ARHGEF12: variants seen among roughly 807,000 people sequenced by gnomAD.
ARHGEF12 encodes Rho guanine nucleotide exchange factor 12.
Under a neutral mutation model 211.2 loss-of-function variants are expected in ARHGEF12, and 66 were observed. The ratio of observed to expected loss-of-function variants is 0.31; its 90% CI spans 0.26 to 0.38. The LOEUF is 0.38. Ranked by LOEUF, ARHGEF12 falls within the 10% of genes least tolerant of loss-of-function variation. The pLI is 1.00. For missense variants in ARHGEF12, 1,429 were observed against 1,869.5 expected, an observed-to-expected ratio of 0.76 and a Z score of 4.34; for synonymous variants, 592 against 638.4, an observed-to-expected ratio of 0.93 and a Z score of 1.09.
chr11:120,398,169 AACAGATTT>A (rs1591541791), intron 1 of ARHGEF12, among the ~76,000 whole-genome samples: 1 of 152,202 alleles, frequency 6.6e-6, no homozygotes, highest in South Asian at 2.1e-4. Flanking sequence ...AAATATTAGT[AACAGATTT>A]ACTAGTGTCA....
intron 4 of ARHGEF12, among the ~76,000 whole-genome samples, chr11:120,415,625 A>T (rs1945007136): frequency 6.6e-6 from 1 of 152,192 alleles, no homozygotes. Flanking sequence ...CTGAAGAAAA[A>T]GGGAAAACAT....
At chr11:120,425,114 G>A (rs1945300744) in intron 7 of ARHGEF12, among the ~76,000 whole-genome samples, 1 of 152,102 alleles carries the variant, frequency 6.6e-6, no homozygotes, top group Admixed American at 6.5e-5. Context: ...CTGGCAGTGA[G>A]TTATGGGCAA....
At chr11:120,385,933 A>T (rs1275518279) in intron 1 of ARHGEF12, among the ~76,000 whole-genome samples, 4 of 152,114 alleles carry the variant, frequency 2.6e-5, no homozygotes, top group African/African-American at 9.6e-5. Context: ...TACCCAAGAG[A>T]CCATGGATGG....
chr11:120,416,441 G>A (rs1486713693), intron 4 of ARHGEF12, among the ~76,000 whole-genome samples: 1 of 152,160 alleles, frequency 6.6e-6, no homozygotes, highest in Non-Finnish European at 1.5e-5. Context: ...TGCAGTGGGA[G>A]TCTGTAAGAG....
At chr11:120,390,344 T>C (rs1944174827) in intron 1 of ARHGEF12, among the ~76,000 whole-genome samples, 1 of 152,232 alleles carries the variant, frequency 6.6e-6, no homozygotes, top group Admixed American at 6.5e-5. Flanking sequence ...GCTTTTAATA[T>C]TGAGGAATGC....
chr11:120,445,494 ATTACATC>A (rs1946016553), intron 16 of ARHGEF12, 30 bp downstream of exon 16: 1 of 1,606,718 alleles, frequency 6.2e-7, no homozygotes, highest in African/African-American at 1.3e-5. Flanking sequence ...ATCCTGGAGA[ATTACATC>A]TTAATAGATA....
chr11:120,479,093 A>G lies in ARHGEF12; in HGVS notation c.3766+704A>G, dbSNP rs552624861. Among the ~76,000 whole-genome samples, 3 of 152,346 alleles carry G rather than the reference A, an allele frequency of 2.0e-5. No homozygotes were observed. In the South Asian group the frequency reaches 6.2e-4, roughly 32 times the overall value. On this transcript the variant is annotated intron_variant, in intron 37 of 40. Transcript: ENST00000397843. ...TGTCAAGATTAAGATAATGAATGAC[A>G]AAACACTAAAAAGTGAGTAACTAGC...
At chr11:120,406,800 C>T (rs944591941) in intron 2 of ARHGEF12, among the ~76,000 whole-genome samples, 4 of 152,084 alleles carry the variant, frequency 2.6e-5, no homozygotes, top group Non-Finnish European at 4.4e-5. Flanking sequence ...CCTCGTGATT[C>T]GCCCGCCTCA....
At chr11:120,387,905 G>A (rs1000255151) in intron 1 of ARHGEF12, among the ~76,000 whole-genome samples, 9 of 152,036 alleles carry the variant, frequency 5.9e-5, no homozygotes, top group African/African-American at 2.2e-4. Context: ...TTAAACATTA[G>A]GCTTCTTGAG....
chr11:120,388,771 G>A (rs1445298398), intron 1 of ARHGEF12, among the ~76,000 whole-genome samples: 2 of 152,098 alleles, frequency 1.3e-5, no homozygotes, highest in African/African-American at 4.8e-5. Context: ...TTTGTGGATT[G>A]TCTGTTCAAA....
Position 120,458,377 on chromosome 11 carries a change from T to C in ARHGEF12, c.2380+143T>C. 3 of 827,740 alleles carry C rather than the reference T, an allele frequency of 3.6e-6. No homozygotes were observed. The South Asian group carries it at 5.6e-5, about 16-fold the overall frequency. The allele number at this position is 827,740 out of a possible 1,614,324, so 51.3% of individuals were successfully genotyped here. A position where few individuals can be genotyped will look rare whatever the true frequency, so the allele number is the denominator to read the frequency against. ...AGAGGAAATTAAACTGGACAGATAA[T>C]CCTTGAACTCAAGAAAATGCAAATG... On this transcript the variant is annotated intron_variant, in intron 25 of 40. Transcript: ENST00000397843.
At chr11:120,402,515 C>G (rs7948928) in intron 1 of ARHGEF12, among the ~76,000 whole-genome samples, 70,514 of 151,938 alleles carry the variant, frequency 0.46, 17,331 homozygotes, top group African/African-American at 0.63. Context: ...AGGTAACATT[C>G]TTTGACTGCT....
At chr11:120,428,755 G>C (rs1335367453) in intron 8 of ARHGEF12, among the ~76,000 whole-genome samples, 1 of 152,116 alleles carries the variant, frequency 6.6e-6, no homozygotes, top group Non-Finnish European at 1.5e-5. Context: ...CATAGAAGAA[G>C]AACAATAAAT....
At chr11:120,457,029 C>A in intron 22 of ARHGEF12, 89 bp from the exon 23 acceptor site, 1 of 1,265,708 alleles carries the variant, frequency 7.9e-7, no homozygotes, top group Non-Finnish European at 1.1e-6. Flanking sequence ...ATGGATTAGG[C>A]TGAAGCTGTT....
intron 1 of ARHGEF12, among the ~76,000 whole-genome samples, chr11:120,359,172 C>A (rs952238003): frequency 1.3e-5 from 2 of 152,096 alleles, no homozygotes; most frequent in African/African-American, 4.8e-5. Flanking sequence ...CAGGTCAGCA[C>A]TATTCACTGT....
chr11:120,405,816 T>C, intron 1 of ARHGEF12: 1 of 240,992 alleles, frequency 4.1e-6, no homozygotes, highest in Non-Finnish European at 7.9e-6. Context: ...AAATAATGCA[T>C]AGCATTTGGT....
intron 39 of ARHGEF12, 93 bp downstream of exon 39, chr11:120,481,669 C>A: frequency 8.0e-7 from 1 of 1,255,484 alleles, no homozygotes; most frequent in Non-Finnish European, 1.1e-6. Context: ...TGTCAATAAA[C>A]TTGTTCAGGT....
Position 120,480,411 on chromosome 11 carries a change from T to C in ARHGEF12, c.4218T>C (p.Asp1406=). 1 of 1,609,272 alleles carries C rather than the reference T, an allele frequency of 6.2e-7. No individual in the cohort carries two copies. Among genetic ancestry groups the C allele is most frequent in the Non-Finnish European group, 8.5e-7 (1 of 1,176,940 alleles). The change falls in exon 38 of 41, where the codon GAT becomes GAC. Residue 1406 remains aspartate, a synonymous_variant. Coordinates refer to ENST00000397843, the MANE Select transcript of ARHGEF12 (RefSeq NM_015313.3). ...GAGCAGTTAACAAGGAAGAGAAGGATGTTAATTTACGCATCTCAGGCAAGT... is the reference window on the plus strand; with the variant it reads ...GAGCAGTTAACAAGGAAGAGAAGGACGTTAATTTACGCATCTCAGGCAAGT... ...GDGAVNKEEK[D]VNLRISGNYL... is the part of the protein sequence containing the mutation.
intron 7 of ARHGEF12, among the ~76,000 whole-genome samples, chr11:120,426,939 C>T (rs900801272): frequency 6.6e-6 from 1 of 152,046 alleles, no homozygotes; most frequent in Non-Finnish European, 1.5e-5. Flanking sequence ...TGCAGTGGCG[C>T]AATCTCGGCT....
Sources: allele counts gnomAD v4.1 joint callset (sites outside exome capture counted in the v4.1 genomes callset), GRCh38; gene constraint gnomAD v4.1.1; transcripts MANE v1.5; gene names NCBI Gene and HGNC (gene_info 2026-07-23, HGNC 2026-07-21).